NT5M: variants seen among roughly 807,000 people sequenced by gnomAD.
NT5M encodes the protein 5'(3')-deoxyribonucleotidase, mitochondrial.
In NT5M, 22 loss-of-function variants were observed where a neutral mutation model predicts 22.2. That is an observed-to-expected ratio of 0.99 (90% CI 0.71 to 1.41). NT5M has a LOEUF of 1.41. Ranked by LOEUF, NT5M falls within the 40% of genes most tolerant of loss-of-function variation. The pLI is 0.00. For synonymous variants in NT5M, 167 were observed against 133.0 expected (o/e 1.26, Z -1.76); for missense variants, 322 against 314.8 (o/e 1.02, Z -0.17).
intron 3 of NT5M, among the ~76,000 whole-genome samples, chr17:17,325,018 G>A (rs906283239): frequency 6.6e-6 from 1 of 152,168 alleles, no homozygotes; most frequent in Admixed American, 6.6e-5. Flanking sequence ...ATCCCTTGGA[G>A]ACTCCTTAGG....
chr17:17,346,256 G>A (rs1323081735), intron 4 of NT5M, among the ~76,000 whole-genome samples: 1 of 152,228 alleles, frequency 6.6e-6, no homozygotes, highest in African/African-American at 2.4e-5. Context: ...CCAGCCACAG[G>A]TTGTTGGGGG....
At chr17:17,304,253 G>C in intron 1 of NT5M, 1 of 267,520 alleles carries the variant, frequency 3.7e-6, no homozygotes, top group Non-Finnish European at 5.8e-6. Context: ...TGAAAGCATA[G>C]CTTCCAGGGG....
In NT5M at chr17:17,347,081, T is replaced by G; in HGVS notation, c.*134T>G. 1 of 1,150,006 alleles carries G rather than the reference T, an allele frequency of 8.7e-7. No individual in the cohort carries two copies. Among genetic ancestry groups the G allele is most frequent in the Non-Finnish European group, 1.2e-6 (1 of 831,490 alleles). The allele number at this position is 1,150,006 out of a possible 1,614,324, so 71.2% of individuals were successfully genotyped here. ...CCCATGACCTCCTGCTGCATGTCCC[T>G]TCCCTTCCCCAGCCCTGCCAGGCCT... On this transcript the variant is annotated 3_prime_UTR_variant, in exon 5 of 5. Transcript: ENST00000389022.
At chr17:17,312,560 CT>C (rs1464253618) in intron 2 of NT5M, among the ~76,000 whole-genome samples, 1 of 149,328 alleles carries the variant, frequency 6.7e-6, no homozygotes, top group Non-Finnish European at 1.5e-5. Context: ...AGGAGAATTG[CT>C]TGCACCTGGG....
At chr17:17,340,149 AGTT>A (rs756893899) in intron 3 of NT5M, among the ~76,000 whole-genome samples, 1 of 152,142 alleles carries the variant, frequency 6.6e-6, no homozygotes, top group Non-Finnish European at 1.5e-5. Flanking sequence ...TTATGGCTTC[AGTT>A]GTTGTTACTT....
chr17:17,335,503 A>C (rs1052120898), intron 3 of NT5M, among the ~76,000 whole-genome samples: 2 of 152,204 alleles, frequency 1.3e-5, no homozygotes, highest in African/African-American at 2.4e-5. Context: ...TATGAGGTAC[A>C]TTAGATGTTT....
chr17:17,303,595 G>C lies in NT5M; in HGVS notation c.45G>C (p.Ala15=), dbSNP rs868160808. The C allele has an allele frequency of 1.7e-5, 21 of 1,206,502 alleles. No individual in the cohort carries two copies. In the Middle Eastern group the frequency reaches 9.2e-4, roughly 53 times the overall value. 74.7% of individuals were successfully genotyped at this position (1,206,502 alleles called of 1,614,324 possible). ...GGTGTGCGCGGCGGCTCTGCAGCGC[G>C]GCGGTTCCCGCGGGGCGGCGCGGGG... The part of the protein sequence containing the change: ...GGWCARRLCS[A]AVPAGRRGAA... The change falls in exon 1 of 5, where the codon GCG becomes GCC. Residue 15 remains alanine, a synonymous_variant. Coordinates refer to ENST00000389022, the MANE Select transcript of NT5M (RefSeq NM_020201.4).
rs181035097 is a variant in NT5M at position 17,334,245 on chromosome 17, G to A, written c.430-10549G>A. Among the ~76,000 whole-genome samples, 10 of 152,090 alleles carry A rather than the reference G, an allele frequency of 6.6e-5. No homozygotes were observed. The East Asian group carries it at 1.5e-3, about 24-fold the overall frequency. ...GCCTCCCAAAGTATTGGGATTACAAGCGTGAGCCACCATGCCTGGCTCGTT... is the reference window on the plus strand; with the variant it reads ...GCCTCCCAAAGTATTGGGATTACAAACGTGAGCCACCATGCCTGGCTCGTT... On this transcript the variant is annotated intron_variant, in intron 3 of 4. Coordinates refer to ENST00000389022, the MANE Select transcript of NT5M (RefSeq NM_020201.4).
chr17:17,313,766 G>C lies in NT5M; in HGVS notation c.368+7123G>C, dbSNP rs574055125. 2.1e-3 allele frequency among the ~76,000 whole-genome samples: 317 copies of C among 152,316 alleles called. 1 individual carries two copies. Among genetic ancestry groups the C allele is most frequent in the African/African-American group, 7.3e-3 (305 of 41,582 alleles). Reference sequence around the variant, plus strand: ...AGGCAGGCAGGAACTGCTGCTCCCCGGGAGGCCACGCCATTGTGCTGCCAT... The same window carrying C: ...AGGCAGGCAGGAACTGCTGCTCCCCCGGAGGCCACGCCATTGTGCTGCCAT... On this transcript the variant is annotated intron_variant, in intron 2 of 4. Transcript: ENST00000389022.
chr17:17,325,731 A>G (rs879682203), intron 3 of NT5M, among the ~76,000 whole-genome samples: 5 of 151,448 alleles, frequency 3.3e-5, no homozygotes, highest in Non-Finnish European at 5.9e-5. Context: ...CTCTCCACCC[A>G]CTGTGCCCCC....
chr17:17,322,847 T>C (rs926796429), intron 2 of NT5M, among the ~76,000 whole-genome samples: 1 of 152,194 alleles, frequency 6.6e-6, no homozygotes, highest in African/African-American at 2.4e-5. Flanking sequence ...TGGAGTAGGC[T>C]CCTTCTCTGT....
intron 2 of NT5M, among the ~76,000 whole-genome samples, chr17:17,319,888 G>C (rs1291507158): frequency 6.6e-6 from 1 of 152,214 alleles, no homozygotes; most frequent in Admixed American, 6.5e-5. Flanking sequence ...CTGTCGTCAG[G>C]CTGGAGTGCA....
intron 2 of NT5M, among the ~76,000 whole-genome samples, chr17:17,317,832 A>T (rs1244481520): frequency 2.6e-5 from 4 of 152,008 alleles, no homozygotes; most frequent in Non-Finnish European, 5.9e-5. Context: ...GCATGGTGGC[A>T]GGCACCTGTA....
intron 3 of NT5M, among the ~76,000 whole-genome samples, chr17:17,326,835 C>T (rs931795325): frequency 7.9e-5 from 12 of 152,216 alleles, no homozygotes; most frequent in African/African-American, 2.9e-4. Flanking sequence ...AGAGCAAAGG[C>T]AACAAGAATC....
chr17:17,303,909 C>G, intron 1 of NT5M, 92 bp downstream of exon 1: 3 of 1,312,840 alleles, frequency 2.3e-6, no homozygotes, highest in Non-Finnish European at 2.9e-6. Context: ...ACGGTCAGCG[C>G]CCCAGCCTCG....
chr17:17,319,150 G>A (rs916304296), intron 2 of NT5M, among the ~76,000 whole-genome samples: 56 of 150,988 alleles, frequency 3.7e-4, no homozygotes, highest in Non-Finnish European at 2.9e-5. Flanking sequence ...TGAGGCAGAG[G>A]TTGCAGTGAG....
In NT5M at chr17:17,327,072, C is replaced by T. The variant is rs1164943727; in HGVS notation, c.429+3827C>T. 4.7e-5 allele frequency among the ~76,000 whole-genome samples: 5 copies of T among 106,950 alleles called. 1 individual carries two copies. The highest frequency in any genetic ancestry group is 8.2e-5 in the Non-Finnish European group (4 of 48,774). The allele number at this position is 106,950 out of a possible 152,430, so 70.2% of individuals were successfully genotyped here. A position where few individuals can be genotyped will look rare whatever the true frequency, so the allele number is the denominator to read the frequency against. ...GATTACAGGTGTGCGCCACCACACCCGGCTAATTTTTTTTTGTATTTTTAG... is the reference window on the plus strand; with the variant it reads ...GATTACAGGTGTGCGCCACCACACCTGGCTAATTTTTTTTTGTATTTTTAG... On this transcript the variant is annotated intron_variant, in intron 3 of 4. Coordinates refer to ENST00000389022, the MANE Select transcript of NT5M (RefSeq NM_020201.4).
chr17:17,344,992 C>A lies in NT5M; in HGVS notation c.544+84C>A, dbSNP rs894883989. The stretch of plus-strand genomic sequence containing the variant: ...CTCCTGGGCAGTGAGCACTCAGTTG[C>A]TTCCTGCCCCACTTAGTCACCAGCT... On this transcript the variant is annotated intron_variant, in intron 4 of 4. Transcript: ENST00000389022. 46 of 1,569,504 alleles carry A rather than the reference C, an allele frequency of 2.9e-5. No homozygotes were observed. In the Admixed American group the frequency reaches 8.0e-4, roughly 27 times the overall value.
At chr17:17,319,996 C>T (rs1029521730) in intron 2 of NT5M, among the ~76,000 whole-genome samples, 1 of 152,138 alleles carries the variant, frequency 6.6e-6, no homozygotes, top group African/African-American at 2.4e-5. Flanking sequence ...GTGCTCATCA[C>T]CACGTCCGGC....
Sources: gnomAD v4.1 joint callset for allele counts (sites outside exome capture counted in the v4.1 genomes callset) on GRCh38, gnomAD v4.1.1 for gene constraint, MANE v1.5 for transcripts, NCBI Gene and HGNC (gene_info 2026-07-23, HGNC 2026-07-21) for gene names.